Variants in WDFY4 observed in about 807,000 individuals in gnomAD.
WDFY4 encodes the protein WD repeat- and FYVE domain-containing protein 4.
A neutral mutation model predicts 351.9 loss-of-function variants in WDFY4; 169 were observed. The ratio of observed to expected loss-of-function variants is 0.48; its 90% CI spans 0.42 to 0.55. The LOEUF (loss-of-function observed/expected upper bound fraction) is 0.55. WDFY4 is among the 20% of genes least tolerant of loss of function. The pLI is 0.00. For synonymous variants in WDFY4, 1,622 were observed against 1,574.6 expected, an observed-to-expected ratio of 1.03 and a Z score of -0.71; for missense variants, 3,803 against 3,935.6, an observed-to-expected ratio of 0.97 and a Z score of 0.90.
intron 1 of WDFY4, among the ~76,000 whole-genome samples, chr10:48,692,388 C>T (rs1243129122): frequency 2.0e-5 from 3 of 152,208 alleles, no homozygotes; most frequent in African/African-American, 7.2e-5. Context: ...GGGCGGGATC[C>T]TCACAATCAC....
chr10:48,733,862 G>A, intron 9 of WDFY4, 69 bp from the exon 10 acceptor site: 2 of 1,357,352 alleles, frequency 1.5e-6, no homozygotes, highest in East Asian at 5.0e-5. Context: ...ATAGAAAGCT[G>A]GAGTCAGAGA....
intron 4 of WDFY4, among the ~76,000 whole-genome samples, chr10:48,723,120 T>A (rs1451627290): frequency 1.3e-5 from 2 of 151,818 alleles, no homozygotes; most frequent in Non-Finnish European, 2.9e-5. Flanking sequence ...ATTTCTACAG[T>A]CCCTCCCCTT....
At chr10:48,815,470 C>CT (rs2067588572) in intron 31 of WDFY4, among the ~76,000 whole-genome samples, 1 of 149,010 alleles carries the variant, frequency 6.7e-6, no homozygotes, top group South Asian at 2.1e-4. Flanking sequence ...TTTTTTTTTT[C>CT]TTTTTTGAGA....
chr10:48,820,110 G>A (rs2067765098), intron 32 of WDFY4, 124 bp from the exon 33 acceptor site: 5 of 1,104,318 alleles, frequency 4.5e-6, no homozygotes, highest in Non-Finnish European at 6.6e-6. Flanking sequence ...TTCCTGTGCG[G>A]AGCCTCAATT....
chr10:48,957,509 G>A (rs1324031690), intron 52 of WDFY4, among the ~76,000 whole-genome samples: 3 of 152,206 alleles, frequency 2.0e-5, no homozygotes, highest in East Asian at 1.9e-4. Context: ...CCCGACCTGC[G>A]ACTTTTCCTC....
chr10:48,810,404 T>A, intron 28 of WDFY4, 126 bp from the exon 29 acceptor site: 1 of 807,024 alleles, frequency 1.2e-6, no homozygotes, highest in South Asian at 1.9e-5. Flanking sequence ...ATGTAATACA[T>A]AATAAGTGAT....
In WDFY4 at chr10:48,743,444, G is replaced by A. The variant is rs1006627368; in HGVS notation, c.2355G>A (p.Lys785=). The part of the protein sequence containing the change: ...SGTLHLRGDL[K]ESLRTKQGPV... Reference sequence around the variant, plus strand: ...CCCTCCACTTGCGTGGGGACCTGAAGGAGTCCCTGAGGACCAAGCAGGGGC... The same window carrying A: ...CCCTCCACTTGCGTGGGGACCTGAAAGAGTCCCTGAGGACCAAGCAGGGGC... Residue 785 remains lysine, a synonymous_variant, in exon 12 of 62, where the codon AAG becomes AAA. Coordinates refer to ENST00000325239, the MANE Select transcript of WDFY4 (RefSeq NM_001394531.1). 8 of 1,550,570 alleles carry A rather than the reference G, an allele frequency of 5.2e-6. No individual in the cohort carries two copies. The Admixed American group carries it at 1.4e-4, about 27-fold the overall frequency.
At chr10:48,737,156 T>C (rs1192510376) in intron 11 of WDFY4, among the ~76,000 whole-genome samples, 23 of 152,142 alleles carry the variant, frequency 1.5e-4, no homozygotes, top group Non-Finnish European at 2.9e-5. Flanking sequence ...ACTATAGACA[T>C]GTGCCACCAC....
intron 43 of WDFY4, among the ~76,000 whole-genome samples, chr10:48,889,914 G>C (rs1201651015): frequency 6.6e-6 from 1 of 152,234 alleles, no homozygotes; most frequent in Non-Finnish European, 1.5e-5. Flanking sequence ...ACATTGTCCA[G>C]TTGTTGGGTA....
At chr10:48,931,505 G>A (rs995903389) in intron 47 of WDFY4, among the ~76,000 whole-genome samples, 24 of 152,206 alleles carry the variant, frequency 1.6e-4, no homozygotes, top group African/African-American at 3.9e-4. Flanking sequence ...AGGGTGGCCC[G>A]TATTATGGTG....
intron 2 of WDFY4, among the ~76,000 whole-genome samples, chr10:48,717,638 C>T (rs1291749785): frequency 2.0e-5 from 3 of 152,178 alleles, no homozygotes; most frequent in East Asian, 1.9e-4. Flanking sequence ...TCTAGTCTTA[C>T]AGGTTTTTAT....
At chr10:48,819,130 T>C (rs775336828) in intron 32 of WDFY4, among the ~76,000 whole-genome samples, 2 of 152,218 alleles carry the variant, frequency 1.3e-5, no homozygotes, top group Admixed American at 1.3e-4. Flanking sequence ...CAGCAGTTCC[T>C]GCCCAGGGGA....
rs762846174 is a variant in WDFY4, at chr10:48,810,744, G to A, written c.5044+9G>A. On this transcript the variant is annotated intron_variant, in intron 29 of 61. Transcript: ENST00000325239. ...CGTGGATATTGTAATGGGTGAGCACGTGGCTGTCTCCAGGGAGTGGGGCAC... is the reference window on the plus strand; with the variant it reads ...CGTGGATATTGTAATGGGTGAGCACATGGCTGTCTCCAGGGAGTGGGGCAC... 16 of 1,512,852 alleles carry A rather than the reference G, an allele frequency of 1.1e-5. No homozygotes were observed. The highest frequency in any genetic ancestry group is 6.7e-5 in the Admixed American group (3 of 45,042). The allele number at this position is 1,512,852 out of a possible 1,614,324, so 93.7% of individuals were successfully genotyped here.
chr10:48,869,619 C>T (rs1040011815), intron 40 of WDFY4, among the ~76,000 whole-genome samples: 1 of 151,946 alleles, frequency 6.6e-6, no homozygotes, highest in African/African-American at 2.4e-5. Context: ...TCCCCTTTGC[C>T]TTGTCCACAT....
intron 47 of WDFY4, among the ~76,000 whole-genome samples, chr10:48,921,060 C>T (rs1435992876): frequency 6.6e-6 from 1 of 152,104 alleles, no homozygotes; most frequent in African/African-American, 2.4e-5. Flanking sequence ...TTAATGTCAA[C>T]TCTCCCCAAA....
intron 57 of WDFY4, among the ~76,000 whole-genome samples, chr10:48,973,487 C>T (rs1352793203): frequency 5.3e-5 from 8 of 152,208 alleles, no homozygotes; most frequent in Non-Finnish European, 7.3e-5. Context: ...TGAAAAATGA[C>T]GCTTAGCCTC....
At chr10:48,890,840 C>A in intron 44 of WDFY4, 113 bp downstream of exon 44, 1 of 1,427,106 alleles carries the variant, frequency 7.0e-7, no homozygotes, top group African/African-American at 1.4e-5. Flanking sequence ...AGATTTGGGC[C>A]TGAAACTGAG....
At chr10:48,955,920 A>G (rs963432951) in intron 51 of WDFY4, among the ~76,000 whole-genome samples, 1 of 152,202 alleles carries the variant, frequency 6.6e-6, no homozygotes, top group Non-Finnish European at 1.5e-5. Context: ...AAGGAGGACA[A>G]GTTTTTGTTA....
chr10:48,718,556 C>T (rs1175323566), intron 2 of WDFY4, among the ~76,000 whole-genome samples: 1 of 152,230 alleles, frequency 6.6e-6, no homozygotes, highest in Non-Finnish European at 1.5e-5. Context: ...AGCAAAACTG[C>T]CTTCCGTGGA....
Sources: allele counts gnomAD v4.1 joint callset (sites outside exome capture counted in the v4.1 genomes callset), GRCh38; gene constraint gnomAD v4.1.1; transcripts MANE v1.5; gene names NCBI Gene and HGNC (gene_info 2026-07-23, HGNC 2026-07-21).